The following CASZ1 variants were observed in gnomAD, a reference collection of about 807,000 sequenced individuals.
The protein encoded by CASZ1 is zinc finger protein castor homolog 1.
A neutral mutation model predicts 135.2 loss-of-function variants in CASZ1; 28 were observed. The ratio of observed to expected loss-of-function variants is 0.21; its 90% CI spans 0.15 to 0.28. The LOEUF is 0.28. Ranked by LOEUF, CASZ1 falls within the 10% of genes least tolerant of loss-of-function variation. The pLI, the probability that CASZ1 is intolerant of heterozygous loss-of-function variation, is 1.00. For missense variants in CASZ1, 2,161 were observed against 2,453.3 expected (o/e 0.88, Z 2.52); for synonymous variants, 1,068 against 1,073.4 (o/e 0.99, Z 0.10).
At chr1:10,695,205 G>T (rs1157617493) in intron 3 of CASZ1, among the ~76,000 whole-genome samples, 1 of 151,494 alleles carries the variant, frequency 6.6e-6, no homozygotes, top group Non-Finnish European at 1.5e-5. Flanking sequence ...AGTCAGGCCC[G>T]CGCGCCCCCG....
chr1:10,641,757 G>A (rs566674961), intron 20 of CASZ1, among the ~76,000 whole-genome samples: 1 of 152,334 alleles, frequency 6.6e-6, no homozygotes, highest in East Asian at 1.9e-4. Context: ...GGCAGGATCA[G>A]CCATCTCTGG....
chr1:10,665,407 G>A lies in CASZ1; in HGVS notation c.181C>T (p.Pro61Ser), dbSNP rs1375934461. ...GSHTEGSPSQ[P>S]RDQERSGPES... is the part of the protein sequence containing the mutation. ...GGGCCACTGCGCTCTTGGTCCCGGG[G>A]CTGCGATGGGCTGCCCTCCGTGTGG... The change falls in exon 5 of 21, where the codon CCC becomes TCC. Residue 61 changes from proline to serine, a missense_variant. By Grantham distance (74) the Pro-to-Ser change is moderately conservative (BLOSUM62 -1). Coordinates refer to ENST00000377022, the MANE Select transcript of CASZ1 (RefSeq NM_001079843.3). 6.2e-7 allele frequency: 1 copy of A among 1,612,676 alleles called. No homozygotes were observed. The highest frequency in any genetic ancestry group is 8.5e-7 in the Non-Finnish European group (1 of 1,179,676).
At chr1:10,685,398 C>A (rs1220084881) in intron 4 of CASZ1, among the ~76,000 whole-genome samples, 4 of 152,204 alleles carry the variant, frequency 2.6e-5, no homozygotes, top group African/African-American at 9.6e-5. Flanking sequence ...GCCTCGGTAG[C>A]GTGTTCTATT....
intron 4 of CASZ1, among the ~76,000 whole-genome samples, chr1:10,689,818 A>G (rs1280892364): frequency 6.6e-6 from 1 of 152,228 alleles, no homozygotes; most frequent in Non-Finnish European, 1.5e-5. Flanking sequence ...TCAAGTTGGG[A>G]GTCAGACAGC....
chr1:10,722,873 C>T (rs957705224), intron 2 of CASZ1, among the ~76,000 whole-genome samples: 1 of 152,272 alleles, frequency 6.6e-6, no homozygotes. Flanking sequence ...AGGCCTGCCC[C>T]CGCACCCCAG....
intron 2 of CASZ1, among the ~76,000 whole-genome samples, chr1:10,758,648 G>A (rs1417631047): frequency 6.6e-6 from 1 of 152,136 alleles, no homozygotes; most frequent in Non-Finnish European, 1.5e-5. Context: ...CCTCTGTACT[G>A]CTGGATAAAT....
At chr1:10,685,823 C>T (rs1638568464) in intron 4 of CASZ1, among the ~76,000 whole-genome samples, 1 of 152,230 alleles carries the variant, frequency 6.6e-6, no homozygotes, top group South Asian at 2.1e-4. Context: ...GGCAGAGGGG[C>T]TGGGGATACC....
chr1:10,670,427 CAG>C (rs1413019855), intron 4 of CASZ1, among the ~76,000 whole-genome samples: 1 of 152,254 alleles, frequency 6.6e-6, no homozygotes, highest in Non-Finnish European at 1.5e-5. Flanking sequence ...ATCCTGGAGT[CAG>C]GGGCGGGCGG....
At chr1:10,791,121 A>T (rs1346884534) in intron 1 of CASZ1, among the ~76,000 whole-genome samples, 3 of 151,996 alleles carry the variant, frequency 2.0e-5, no homozygotes, top group Non-Finnish European at 4.4e-5. Flanking sequence ...AGTGTTAGTC[A>T]ATCATCAGAG....
chr1:10,709,807 G>A lies in CASZ1; in HGVS notation c.-76-4263C>T, dbSNP rs1242664894. Reference sequence around the variant, plus strand: ...ACCAGGCAAAACGGAAAGGTCAGAGGAAGCCCGGAACTTTTACACAGCAGT... The same window carrying A: ...ACCAGGCAAAACGGAAAGGTCAGAGAAAGCCCGGAACTTTTACACAGCAGT... On this transcript the variant is annotated intron_variant, in intron 2 of 20. Coordinates refer to ENST00000377022, the MANE Select transcript of CASZ1 (RefSeq NM_001079843.3). This position sits in a 1 kb window ranked among gnomAD's most constrained non-coding sequence, Gnocchi z 5.1. Among the ~76,000 whole-genome samples the A allele has an allele frequency of 6.6e-6, 1 of 152,212 alleles. No individual in the cohort carries two copies. The highest frequency in any genetic ancestry group is 1.5e-5 in the Non-Finnish European group (1 of 68,052).
In CASZ1 at chr1:10,660,381, A is replaced by C. The variant is rs761419894; in HGVS notation, c.661T>G (p.Ser221Ala). The change falls in exon 6 of 21, where the codon TCC becomes GCC. Residue 221 changes from serine (S) to alanine (A), a missense_variant. By Grantham distance (99) the Ser-to-Ala change is moderately conservative (BLOSUM62 1). Around this residue, in one of 7 missense-constraint regions of CASZ1, gnomAD observed 590 missense variants for 609.8 expected, o/e 0.97. Coordinates refer to ENST00000377022, the MANE Select transcript of CASZ1 (RefSeq NM_001079843.3). ...AGSTPEAATS[S>A]MLPTSEDTLS... is the part of the protein sequence containing the mutation. The stretch of plus-strand genomic sequence containing the variant: ...GTATCCTCGGAGGTGGGCAGCATGG[A>C]GGAGGTGGCTGCCTCCGGGGTGGAG... 2.5e-6 allele frequency: 4 copies of C among 1,614,010 alleles called. No individual in the cohort carries two copies. In the East Asian group the frequency reaches 8.9e-5, roughly 36 times the overall value.
rs1557513721 is a variant in CASZ1 at position 10,694,680 on chromosome 1, T to TCGCGCCCCCGCCGCGCGCCCCCGCCGCG, written c.-23-796_-23-769dup. Among the ~76,000 whole-genome samples, 4 of 138,398 alleles carry TCGCGCCCCCGCCGCGCGCCCCCGCCGCG rather than the reference T, an allele frequency of 2.9e-5. No homozygotes were observed. The highest frequency in any genetic ancestry group is 4.8e-5 in the Non-Finnish European group (3 of 62,526). 90.8% of individuals were successfully genotyped at this position (138,398 alleles called of 152,430 possible). ...CCGGAGTGAATGGGCTCGCGCTCGC[T>TCGCGCCCCCGCCGCGCGCCCCCGCCGCG]CGCGCCCCCGCCGCGCGCCCCCGCC... On this transcript the variant is annotated intron_variant, in intron 3 of 20. Transcript: ENST00000377022. The surrounding 1 kb of genome is among the most constrained non-coding windows in gnomAD (Gnocchi z 6.6).
chr1:10,791,261 G>C (rs1477278921), intron 1 of CASZ1, among the ~76,000 whole-genome samples: 1 of 152,122 alleles, frequency 6.6e-6, no homozygotes, highest in African/African-American at 2.4e-5. Context: ...TACTTTTCCT[G>C]GAAAAAGCAC....
At position 10,647,514 on chromosome 1, in the gene CASZ1, C is replaced by T; in HGVS notation, c.3497+287G>A. 1 of 1,330,798 alleles carries T rather than the reference C, an allele frequency of 7.5e-7. No homozygotes were observed. The highest frequency in any genetic ancestry group is 1.5e-5 in the African/African-American group (1 of 67,358). 82.4% of individuals were successfully genotyped at this position (1,330,798 alleles called of 1,614,324 possible). ...GAGTTGTCCTCTGAGGACCACCACGCCCAGTCCACCCCACCTGGCCCTGGC... is the reference window on the plus strand; with the variant it reads ...GAGTTGTCCTCTGAGGACCACCACGTCCAGTCCACCCCACCTGGCCCTGGC... On this transcript the variant is annotated intron_variant, in intron 16 of 20. Transcript: ENST00000377022. This position sits in a 1 kb window ranked among gnomAD's most constrained non-coding sequence, Gnocchi z 4.9.
Position 10,774,836 on chromosome 1 carries a change from G to A in CASZ1, c.-233-13979C>T, listed in dbSNP as rs1557564384. On this transcript the variant is annotated intron_variant, in intron 1 of 20. Transcript: ENST00000377022. This position sits in a 1 kb window ranked among gnomAD's most constrained non-coding sequence, Gnocchi z 4.4. ...CAGTCCTGACACTCAGAGCTCCCGC[G>A]GTCTTACAGACAAGGGAATGAATCC... Among the ~76,000 whole-genome samples, 3 of 152,070 alleles carry A rather than the reference G, an allele frequency of 2.0e-5. No homozygotes were observed. Among genetic ancestry groups the A allele is most frequent in the South Asian group, 2.1e-4 (1 of 4,806 alleles).
chr1:10,770,275 G>C (rs530045277), intron 1 of CASZ1, among the ~76,000 whole-genome samples: 16 of 152,094 alleles, frequency 1.1e-4, no homozygotes, highest in African/African-American at 3.9e-4. Context: ...TGTTGAGACA[G>C]GGTTTTGCCA....
intron 18 of CASZ1, among the ~76,000 whole-genome samples, chr1:10,644,283 C>T (rs1442687018): frequency 6.6e-6 from 1 of 152,198 alleles, no homozygotes; most frequent in Non-Finnish European, 1.5e-5. Context: ...CCCAGCAGCA[C>T]GGCTACCTCT....
intron 2 of CASZ1, among the ~76,000 whole-genome samples, chr1:10,730,892 G>A (rs1172215131): frequency 6.6e-6 from 1 of 152,116 alleles, no homozygotes; most frequent in Non-Finnish European, 1.5e-5. Flanking sequence ...TGGATCATGA[G>A]GTCAGGAGTT....
chr1:10,653,132 C>A, intron 11 of CASZ1: 1 of 590,274 alleles, frequency 1.7e-6, no homozygotes, highest in East Asian at 3.1e-5. Context: ...CAGGGACCAT[C>A]GCCCCCAGCT....
Sources: allele counts gnomAD v4.1 joint callset (sites outside exome capture counted in the v4.1 genomes callset), GRCh38; gene constraint gnomAD v4.1.1; regional missense constraint gnomAD v4.1.1; non-coding constraint Gnocchi (gnomAD v3.1); transcripts MANE v1.5; gene names NCBI Gene and HGNC (gene_info 2026-07-23, HGNC 2026-07-21).